Variants in MYH13 observed in about 807,000 individuals in gnomAD.
The protein encoded by MYH13 is myosin heavy chain 13, also known as myosin-13.
A neutral mutation model predicts 232.1 loss-of-function variants in MYH13; 177 were observed. The ratio of observed to expected loss-of-function variants is 0.76; its 90% CI spans 0.67 to 0.86. The LOEUF (loss-of-function observed/expected upper bound fraction) is 0.86. Ranked by LOEUF, MYH13 falls within the 40% of genes least tolerant of loss-of-function variation. MYH13 has a pLI of 0.00. For missense variants in MYH13, 2,246 were observed against 2,405.9 expected, an observed-to-expected ratio of 0.93 and a Z score of 1.39; for synonymous variants, 884 against 923.5, an observed-to-expected ratio of 0.96 and a Z score of 0.78.
In MYH13 at chr17:10,362,671, T is replaced by G. The variant is rs541429478; in HGVS notation, c.205-168A>C. On this transcript the variant is annotated intron_variant, in intron 3 of 40. Transcript: ENST00000252172. ...CAACATGATCCATAAATAACAGTTC[T>G]TGAAGAATCTGATTCTGGTCAAACT... is the stretch of plus-strand genomic sequence containing the variant. Among the ~76,000 whole-genome samples, 13 of 152,306 alleles carry G rather than the reference T, an allele frequency of 8.5e-5. No individual in the cohort carries two copies. The East Asian group carries it at 2.1e-3, about 25-fold the overall frequency.
Position 10,338,802 on chromosome 17 carries a change from G to A in MYH13, c.2056+1348C>T, listed in dbSNP as rs531195471. ...TGCAAGCTCCGTCTCCCGGGTTCAC[G>A]CCATTCTCCTGCCTCGGCCTCCCGA... On this transcript the variant is annotated intron_variant, in intron 18 of 40. Transcript: ENST00000252172. Among the ~76,000 whole-genome samples, 278 of 150,002 alleles carry A rather than the reference G, an allele frequency of 1.9e-3. 1 individual carries two copies. Among genetic ancestry groups the A allele is most frequent in the African/African-American group, 6.1e-3 (252 of 41,216 alleles).
intron 5 of MYH13, 62 bp from the exon 6 acceptor site, chr17:10,360,250 G>A: frequency 6.4e-7 from 1 of 1,555,766 alleles, no homozygotes; most frequent in South Asian, 1.2e-5. Context: ...TTAAAATAAA[G>A]TAACATTGGG....
rs528326982 is a variant in MYH13 at position 10,336,518 on chromosome 17, C to T, written c.2057-3327G>A. On this transcript the variant is annotated intron_variant, in intron 18 of 40. Coordinates refer to ENST00000252172, the MANE Select transcript of MYH13 (RefSeq NM_003802.3). Reference sequence around the variant, plus strand: ...CTGGCTCAGGAGAGACTGCCCTTCCCGGGGCTAGCCATTCCAGGAGATGGC... The same window carrying T: ...CTGGCTCAGGAGAGACTGCCCTTCCTGGGGCTAGCCATTCCAGGAGATGGC... Among the ~76,000 whole-genome samples the T allele has an allele frequency of 1.8e-4, 28 of 152,246 alleles. 1 individual carries two copies. Among genetic ancestry groups the T allele is most frequent in the Admixed American group, 9.8e-4 (15 of 15,290 alleles).
At chr17:10,364,605 C>T in intron 2 of MYH13, 63 bp from the exon 3 acceptor site, 1 of 1,407,306 alleles carries the variant, frequency 7.1e-7, no homozygotes, top group Non-Finnish European at 9.8e-7. Flanking sequence ...TGCAGGGCCC[C>T]TACCCTTATT....
intron 8 of MYH13, among the ~76,000 whole-genome samples, chr17:10,357,252 G>C (rs199890078): frequency 1.0e-3 from 156 of 152,202 alleles, no homozygotes; most frequent in African/African-American, 3.6e-3. Flanking sequence ...GTGAGCCACC[G>C]CGCCCAGACT....
At chr17:10,352,470 A>G (rs1464448309) in intron 11 of MYH13, among the ~76,000 whole-genome samples, 1 of 152,126 alleles carries the variant, frequency 6.6e-6, no homozygotes, top group Non-Finnish European at 1.5e-5. Context: ...GGTGCCTGTC[A>G]TCCCAGCTAC....
At chr17:10,308,306 G>C (rs1394764438) in intron 35 of MYH13, among the ~76,000 whole-genome samples, 1 of 129,346 alleles carries the variant, frequency 7.7e-6, no homozygotes, top group East Asian at 2.4e-4. Flanking sequence ...CCTGGCGACA[G>C]AAAGAGACTC....
rs771880697 is a variant in MYH13 at position 10,343,852 on chromosome 17, A to G, written c.1842T>C (p.Ser614=). 3.1e-6 allele frequency: 5 copies of G among 1,611,082 alleles called. No homozygotes were observed. Among genetic ancestry groups the G allele is most frequent in the Middle Eastern group, 1.7e-4 (1 of 6,044 alleles). ...AAAGGAAGGAGAGAAGCTTCAGCGA[A>G]GACTTCTGGTACAGCCCCACCACAG... ...NETVVGLYQK[S]SLKLLSFLFS... is the part of the protein sequence containing the mutation. Residue 614 remains serine (S), a synonymous_variant, in exon 16 of 41, where the codon TCT becomes TCC. Coordinates refer to ENST00000252172, the MANE Select transcript of MYH13 (RefSeq NM_003802.3).
intron 24 of MYH13, among the ~76,000 whole-genome samples, chr17:10,320,871 G>A (rs934314721): frequency 1.3e-5 from 2 of 152,190 alleles, no homozygotes; most frequent in East Asian, 1.9e-4. Context: ...ACACCATCAC[G>A]CCTTGCCTGC....
At position 10,346,688 on chromosome 17, in the gene MYH13, C is replaced by T. The variant is rs1205253218; in HGVS notation, c.1255G>A (p.Val419Ile). 1 of 1,611,190 alleles carries T rather than the reference C, an allele frequency of 6.2e-7. No individual in the cohort carries two copies. Among genetic ancestry groups the T allele is most frequent in the African/African-American group, 1.3e-5 (1 of 74,890 alleles). ...GNEYVTKGQN[V>I]QQVTNSVGAL... ...CAGAGCATCTCCATTACCTGCTGGA[C>T]ATTTTGCCCTTTAGTGACATATTCA... The change falls in exon 13 of 41, where the codon GTC becomes ATC. Residue 419 changes from valine (V) to isoleucine (I), a missense_variant. Coordinates refer to ENST00000252172, the MANE Select transcript of MYH13 (RefSeq NM_003802.3).
rs761720904 is a variant in MYH13, at chr17:10,364,462, C to T, written c.69G>A (p.Glu23=). 11 of 1,612,502 alleles carry T rather than the reference C, an allele frequency of 6.8e-6. No homozygotes were observed. The highest frequency in any genetic ancestry group is 9.3e-6 in the Non-Finnish European group (11 of 1,179,326). ...ATGGACGATTTTGAGCCTCGATTCT[C>T]TCCTTCTCTGGTTTCCGGAGGTAGG... is the stretch of plus-strand genomic sequence containing the variant. ...AAPYLRKPEK[E]RIEAQNRPFD... The change falls in exon 3 of 41, where the codon GAG becomes GAA. Residue 23 remains glutamate (E), a synonymous_variant. Transcript: ENST00000252172.
At position 10,313,332 on chromosome 17, in the gene MYH13, G is replaced by C. The variant is rs779371167; in HGVS notation, c.4007C>G (p.Ala1336Gly). ...ETKAKNAMAH[A>G]LQSSRHDCDL... ...ACAGTCGTGGCGGGAGGACTGCAGG[G>C]CGTGCGCCATGGCGTTCTTGGCCTG... The change falls in exon 30 of 41, where the codon GCC becomes GGC. Residue 1336 changes from alanine (A) to glycine (G), a missense_variant. Transcript: ENST00000252172. 6.2e-7 allele frequency: 1 copy of C among 1,614,260 alleles called. No homozygotes were observed. The highest frequency in any genetic ancestry group is 1.7e-5 in the Admixed American group (1 of 60,030).
intron 3 of MYH13, among the ~76,000 whole-genome samples, chr17:10,363,977 T>G (rs898168952): frequency 6.6e-6 from 1 of 152,206 alleles, no homozygotes; most frequent in Non-Finnish European, 1.5e-5. Context: ...CAATGGCTCC[T>G]GAGCTTCCTC....
intron 11 of MYH13, among the ~76,000 whole-genome samples, chr17:10,352,599 AAAAC>A (rs2071718760): frequency 6.6e-6 from 1 of 151,982 alleles, no homozygotes; most frequent in African/African-American, 2.4e-5. Flanking sequence ...AAAAAAACAA[AAAAC>A]AAAAAACCAA....
In MYH13 at chr17:10,312,136, A is replaced by C. The variant is rs374277276; in HGVS notation, c.4366-60T>G. On this transcript the variant is annotated intron_variant, in intron 31 of 40. Coordinates refer to ENST00000252172, the MANE Select transcript of MYH13 (RefSeq NM_003802.3). ...AAGCAGGGGTGACTCAGAAGAGTTC[A>C]TGCAAACAAGGGCTGTCAGTAACAC... 40 of 1,589,268 alleles carry C rather than the reference A, an allele frequency of 2.5e-5. No individual in the cohort carries two copies. In the African/African-American group the frequency reaches 2.7e-4, roughly 11 times the overall value.
rs1472584343 is a variant in MYH13, at chr17:10,323,779, AAAAAAAAAAAGAAGAAGAAGAAGAAGAAG to A, written c.2934+214_2934+242del. Reference sequence around the variant, plus strand: ...CTCCATCTCACAAAAAAAAAAAAAAAAAAAAAAAAAGAAGAAGAAGAAGAAGAAGAAGAAGAAGAAGAAGAAGAAGAAGA... The same window carrying A: ...CTCCATCTCACAAAAAAAAAAAAAAAAAGAAGAAGAAGAAGAAGAAGAAGA... On this transcript the variant is annotated intron_variant, in intron 23 of 40. Transcript: ENST00000252172. Among the ~76,000 whole-genome samples, 41 of 100,876 alleles carry A rather than the reference AAAAAAAAAAAGAAGAAGAAGAAGAAGAAG, an allele frequency of 4.1e-4. 1 individual carries two copies. In the South Asian group the frequency reaches 6.0e-3, roughly 15 times the overall value. The allele number at this position is 100,876 out of a possible 152,430, so 66.2% of individuals were successfully genotyped here.
In MYH13 at chr17:10,345,611, G is replaced by C; in HGVS notation, c.1269C>G (p.Thr423=). Residue 423 remains threonine (T), a synonymous_variant, in exon 14 of 41, where the codon ACC becomes ACG. Transcript: ENST00000252172. ...CTTTGGCCAGAGCACCCACCGAATT[G>C]GTCACCTTGAAAAAGGATCACCCAC... ...VTKGQNVQQV[T]NSVGALAKAV... The C allele has an allele frequency of 6.2e-7, 1 of 1,614,006 alleles. No individual in the cohort carries two copies. Among genetic ancestry groups the C allele is most frequent in the Non-Finnish European group, 8.5e-7 (1 of 1,179,998 alleles).
chr17:10,321,971 G>T (rs903883195), intron 23 of MYH13, among the ~76,000 whole-genome samples: 3 of 152,160 alleles, frequency 2.0e-5, no homozygotes, highest in African/African-American at 7.2e-5. Flanking sequence ...ATGCAAATGT[G>T]CTACCTCTGA....
At chr17:10,331,139 G>A (rs527705989) in intron 20 of MYH13, among the ~76,000 whole-genome samples, 1 of 152,292 alleles carries the variant, frequency 6.6e-6, no homozygotes, top group African/African-American at 2.4e-5. Context: ...GATGAGTCCA[G>A]AAAGAAACCA....
Sources: allele counts gnomAD v4.1 joint callset (sites outside exome capture counted in the v4.1 genomes callset), GRCh38; gene constraint gnomAD v4.1.1; transcripts MANE v1.5; gene names NCBI Gene and HGNC (gene_info 2026-07-23, HGNC 2026-07-21).